NEGR1: variants seen among roughly 807,000 people sequenced by gnomAD.
NEGR1 encodes the protein neuronal growth regulator 1.
In NEGR1, 10 loss-of-function variants were observed where a neutral mutation model predicts 40.9. The observed-to-expected ratio is 0.24, with a 90% CI of 0.15 to 0.42. NEGR1 has a LOEUF of 0.42. NEGR1 is among the 10% of genes least tolerant of loss of function. NEGR1 has a pLI of 1.00. For synonymous variants in NEGR1, 185 were observed against 166.8 expected (o/e 1.11, Z -0.84); for missense variants, 352 against 438.9 (o/e 0.80, Z 1.77).
intron 2 of NEGR1, among the ~76,000 whole-genome samples, chr1:71,927,718 G>T (rs943507856): frequency 3.4e-5 from 5 of 147,576 alleles, no homozygotes; most frequent in African/African-American, 1.2e-4. Flanking sequence ...AGGGGCTCAT[G>T]TCAGTAATCC....
At chr1:71,725,446 A>C (rs1012748840) in intron 3 of NEGR1, among the ~76,000 whole-genome samples, 1 of 152,134 alleles carries the variant, frequency 6.6e-6, no homozygotes, top group Non-Finnish European at 1.5e-5. Context: ...AGTTAACTAC[A>C]CCATCAGCAT....
At chr1:71,908,563 G>A (rs575954565) in intron 2 of NEGR1, among the ~76,000 whole-genome samples, 3 of 152,210 alleles carry the variant, frequency 2.0e-5, no homozygotes, top group East Asian at 3.9e-4. Flanking sequence ...AAGAAAGGAG[G>A]CTCTGAGAGG....
chr1:72,120,000 CAAAT>C (rs1442645240), intron 1 of NEGR1, among the ~76,000 whole-genome samples: 2 of 151,860 alleles, frequency 1.3e-5, no homozygotes, highest in African/African-American at 2.4e-5. Context: ...AAAAATGACT[CAAAT>C]GAATATGAAA....
chr1:71,553,989 T>A (rs1024813656), intron 6 of NEGR1, among the ~76,000 whole-genome samples: 10 of 150,710 alleles, frequency 6.6e-5, no homozygotes, highest in Non-Finnish European at 1.0e-4. Context: ...CAGAAAAGAG[T>A]TTTTTAGTGC....
chr1:72,073,105 C>T (rs1199174830), intron 1 of NEGR1, among the ~76,000 whole-genome samples: 1 of 152,102 alleles, frequency 6.6e-6, no homozygotes, highest in Admixed American at 6.6e-5. Context: ...AGAATGTGAG[C>T]AGTGATACAG....
intron 1 of NEGR1, among the ~76,000 whole-genome samples, chr1:72,212,751 A>G (rs1319928072): frequency 3.9e-5 from 6 of 152,024 alleles, no homozygotes; most frequent in Admixed American, 2.0e-4. Flanking sequence ...TGCTTATTCA[A>G]TAGGATTGGG....
chr1:72,258,438 G>C (rs1237809717), intron 1 of NEGR1, among the ~76,000 whole-genome samples: 2 of 152,088 alleles, frequency 1.3e-5, no homozygotes, highest in Non-Finnish European at 2.9e-5. Flanking sequence ...TAAGGTTATT[G>C]AGAATAAATA....
chr1:71,877,837 T>G (rs1392156645), intron 2 of NEGR1, among the ~76,000 whole-genome samples: 1 of 152,194 alleles, frequency 6.6e-6, no homozygotes, highest in Non-Finnish European at 1.5e-5. Flanking sequence ...AACATTTTGT[T>G]GAGCTACCCC....
chr1:71,729,841 G>T (rs970460814), intron 3 of NEGR1, among the ~76,000 whole-genome samples: 7 of 145,850 alleles, frequency 4.8e-5, no homozygotes, highest in African/African-American at 1.8e-4. Flanking sequence ...TTGTTTTTTG[G>T]TTTTTGGTTT....
chr1:71,966,740 G>A (rs1168372278), intron 1 of NEGR1, among the ~76,000 whole-genome samples: 2 of 152,090 alleles, frequency 1.3e-5, no homozygotes, highest in African/African-American at 4.8e-5. Flanking sequence ...ACATCAGCAG[G>A]CAAGTCAAAA....
intron 3 of NEGR1, among the ~76,000 whole-genome samples, chr1:71,734,723 T>C (rs1223285995): frequency 6.6e-6 from 1 of 152,148 alleles, no homozygotes; most frequent in Non-Finnish European, 1.5e-5. Flanking sequence ...TCCTATAATC[T>C]GACTCTTACC....
At chr1:72,097,858 A>T (rs576388945) in intron 1 of NEGR1, among the ~76,000 whole-genome samples, 1 of 152,340 alleles carries the variant, frequency 6.6e-6, no homozygotes, top group African/African-American at 2.4e-5. Context: ...GATCTCTGGG[A>T]TCATTAAAAT....
intron 2 of NEGR1, among the ~76,000 whole-genome samples, chr1:71,880,668 GCAGCTTCCTAC>G (rs1343056916): frequency 6.6e-6 from 1 of 151,924 alleles, no homozygotes; most frequent in Non-Finnish European, 1.5e-5. Flanking sequence ...ATACGAATTT[GCAGCTTCCTAC>G]CAAGATAACC....
chr1:71,986,167 T>C (rs887636878), intron 1 of NEGR1, among the ~76,000 whole-genome samples: 2 of 152,222 alleles, frequency 1.3e-5, no homozygotes, highest in African/African-American at 4.8e-5. Context: ...AGAGTAATTG[T>C]TTTTATCATT....
intron 2 of NEGR1, among the ~76,000 whole-genome samples, chr1:71,784,116 T>C (rs1227279819): frequency 1.3e-5 from 2 of 152,130 alleles, no homozygotes; most frequent in Non-Finnish European, 2.9e-5. Flanking sequence ...CAGAATTTGG[T>C]GGTTTAAAAC....
chr1:71,528,658 A>T (rs1468816180), intron 6 of NEGR1, among the ~76,000 whole-genome samples: 1 of 151,330 alleles, frequency 6.6e-6, no homozygotes, highest in Non-Finnish European at 1.5e-5. Flanking sequence ...GAATTTAAAT[A>T]ATTCAGTTTA....
In NEGR1 at chr1:71,825,856, C is replaced by T. The variant is rs75100630; in HGVS notation, c.410-49559G>A. Among the ~76,000 whole-genome samples the T allele has an allele frequency of 4.8e-3, 735 of 152,002 alleles. 6 individuals are homozygous for T. Among genetic ancestry groups the T allele is most frequent in the African/African-American group, 0.017 (701 of 41,504 alleles). Reference sequence around the variant, plus strand: ...GAACTAGCTAAACAAGTTAGAACGTCTAATTTTAGTATTGTGACATGTATC... The same window carrying T: ...GAACTAGCTAAACAAGTTAGAACGTTTAATTTTAGTATTGTGACATGTATC... On this transcript the variant is annotated intron_variant, in intron 2 of 6. Transcript: ENST00000357731.
chr1:71,653,911 G>T (rs1460670731), intron 4 of NEGR1, among the ~76,000 whole-genome samples: 1 of 152,064 alleles, frequency 6.6e-6, no homozygotes, highest in East Asian at 1.9e-4. Context: ...ATGGTTTCAG[G>T]CTCCAAAGTC....
intron 1 of NEGR1, among the ~76,000 whole-genome samples, chr1:72,143,713 G>A (rs1340939783): frequency 2.0e-5 from 3 of 150,012 alleles, no homozygotes; most frequent in African/African-American, 7.3e-5. Context: ...ACTCAATAGT[G>A]AGTATAATTT....
Sources: allele counts gnomAD v4.1 joint callset (sites outside exome capture counted in the v4.1 genomes callset), GRCh38; gene constraint gnomAD v4.1.1; transcripts MANE v1.5; gene names NCBI Gene and HGNC (gene_info 2026-07-23, HGNC 2026-07-21).